Variants in CLASP2 observed in about 807,000 individuals in gnomAD.
The protein encoded by CLASP2 is cytoplasmic linker associated protein 2, also known as CLIP-associating protein 2.
CLASP2 carries 47 observed loss-of-function variants against 194.4 expected under a neutral mutation model. That is an observed-to-expected ratio of 0.24 (90% CI 0.19 to 0.31). The LOEUF is 0.31. Among genes scored for constraint, CLASP2 ranks in the 10% least tolerant of loss-of-function variants. CLASP2 has a pLI of 1.00. For synonymous variants in CLASP2, 619 were observed against 633.5 expected (o/e 0.98, Z 0.34); for missense variants, 1,445 against 1,823.6 (o/e 0.79, Z 3.78).
chr3:33,592,094 C>A (rs1381801491), intron 21 of CLASP2: 1 of 632,332 alleles, frequency 1.6e-6, no homozygotes, highest in African/African-American at 1.8e-5. Flanking sequence ...TGAAGTTTTT[C>A]TTTGTAAGTG....
chr3:33,506,874 T>C (rs1418261186), intron 37 of CLASP2, among the ~76,000 whole-genome samples: 1 of 152,162 alleles, frequency 6.6e-6, no homozygotes, highest in African/African-American at 2.4e-5. Flanking sequence ...ATCATAGCTT[T>C]GTAATACGTT....
intron 18 of CLASP2, among the ~76,000 whole-genome samples, chr3:33,597,341 G>A (rs533538588): frequency 6.6e-6 from 1 of 152,316 alleles, no homozygotes; most frequent in South Asian, 2.1e-4. Flanking sequence ...CTGACTTGGT[G>A]TTTAGTGCCT....
chr3:33,617,888 GGAA>G (rs1229080146), intron 12 of CLASP2, among the ~76,000 whole-genome samples: 2 of 149,318 alleles, frequency 1.3e-5, no homozygotes, highest in African/African-American at 4.9e-5. Context: ...AAGGACTCCA[GGAA>G]GAAGACTGCA....
chr3:33,519,736 C>T (rs1373508313), intron 34 of CLASP2, among the ~76,000 whole-genome samples: 4 of 151,940 alleles, frequency 2.6e-5, no homozygotes, highest in Non-Finnish European at 5.9e-5. Context: ...AGTAGTTTAA[C>T]TGAGGGCTTA....
Position 33,551,403 on chromosome 3 carries a change from G to T in CLASP2, c.3010-8C>A, listed in dbSNP as rs2059981921. 2 of 1,610,066 alleles carry T rather than the reference G, an allele frequency of 1.2e-6. No homozygotes were observed. The highest frequency in any genetic ancestry group is 1.7e-6 in the Non-Finnish European group (2 of 1,177,552). ...AAGGATAGCAACCTTCACCTGCAGA[G>T]GAAAGCACAAAGAGAAAGGACAGAA... is the stretch of plus-strand genomic sequence containing the variant. On this transcript the variant is annotated splice_region_variant and splice_polypyrimidine_tract_variant and intron_variant, in intron 29 of 38. Transcript: ENST00000682230.
intron 22 of CLASP2, among the ~76,000 whole-genome samples, chr3:33,584,519 G>A: frequency 6.6e-6 from 1 of 151,632 alleles, no homozygotes; most frequent in Non-Finnish European, 1.5e-5. Flanking sequence ...ACCCCCCTCA[G>A]CCTCCCAAAG....
chr3:33,553,949 A>T (rs2060470741), intron 29 of CLASP2, among the ~76,000 whole-genome samples: 1 of 152,136 alleles, frequency 6.6e-6, no homozygotes, highest in Non-Finnish European at 1.5e-5. Context: ...GGAATCGGCC[A>T]GGCGCAGTGG....
chr3:33,708,536 GTATATATGTATATA>G (rs1559703729), intron 1 of CLASP2, among the ~76,000 whole-genome samples: 30 of 12,816 alleles, frequency 2.3e-3, no homozygotes, highest in African/African-American at 0.01. Flanking sequence ...ATATATATAT[GTATATATGTATATA>G]TATATATATA....
At chr3:33,592,156 C>G in intron 21 of CLASP2, 1 of 702,276 alleles carries the variant, frequency 1.4e-6, no homozygotes, top group Non-Finnish European at 2.6e-6. Context: ...AGACAACACC[C>G]ACTCAAAAAA....
intron 2 of CLASP2, among the ~76,000 whole-genome samples, chr3:33,694,046 A>C (rs1234699679): frequency 6.6e-6 from 1 of 152,116 alleles, no homozygotes; most frequent in Admixed American, 6.6e-5. Context: ...CTCAAATCTG[A>C]AGTACATTTT....
intron 1 of CLASP2, among the ~76,000 whole-genome samples, chr3:33,706,666 T>C (rs1490807516): frequency 1.3e-5 from 2 of 152,120 alleles, no homozygotes; most frequent in Admixed American, 6.5e-5. Context: ...TCTTTAAAAT[T>C]AAAATAAAAT....
rs759323024 is a variant in CLASP2 at position 33,543,440 on chromosome 3, A to G, written c.3397T>C (p.Ser1133Pro). 1 of 1,564,932 alleles carries G rather than the reference A, an allele frequency of 6.4e-7. No homozygotes were observed. Among genetic ancestry groups the G allele is most frequent in the Admixed American group, 1.7e-5 (1 of 59,930 alleles). The change falls in exon 32 of 39, where the codon TCT becomes CCT. Residue 1133 changes from serine to proline, a missense_variant. By Grantham distance (74) the Ser-to-Pro change is moderately conservative (BLOSUM62 -1). Around this residue, in one of 4 missense-constraint regions of CLASP2, gnomAD observed 732 missense variants for 987.9 expected, o/e 0.74. Transcript: ENST00000682230. ...SPTNTSQNTL[S>P]PSAFDYDTEN... Reference sequence around the variant, plus strand: ...AAATCATCCTTTTATTACCTTGGAGATAAAGTATTCTGTGATGTATTGGTA... The same window carrying G: ...AAATCATCCTTTTATTACCTTGGAGGTAAAGTATTCTGTGATGTATTGGTA...
chr3:33,558,667 A>G (rs2061343007), intron 29 of CLASP2: 2 of 152,134 alleles, frequency 1.3e-5, no homozygotes, highest in South Asian at 4.1e-4. Context: ...AAAGTTAATT[A>G]TAACTCCAAA....
chr3:33,660,479 T>TAAA lies in CLASP2; in HGVS notation c.715+2965_715+2966insTTT, dbSNP rs1459912129. On this transcript the variant is annotated intron_variant, in intron 7 of 38. Coordinates refer to ENST00000682230, the MANE Select transcript of CLASP2 (RefSeq NM_001365631.1). The stretch of plus-strand genomic sequence containing the variant: ...ACAACTTTTAGCTATAAAAAAGTTA[T>TAAA]ATCACCTTTACAACAAATCCTTTGG... Among the ~76,000 whole-genome samples the TAAA allele has an allele frequency of 5.9e-5, 9 of 152,366 alleles. No homozygotes were observed. The East Asian group carries it at 1.7e-3, about 29-fold the overall frequency.
At chr3:33,556,974 T>C (rs1225967981) in intron 29 of CLASP2, among the ~76,000 whole-genome samples, 2 of 152,066 alleles carry the variant, frequency 1.3e-5, no homozygotes, top group African/African-American at 2.4e-5. Flanking sequence ...CCCCTTATTT[T>C]TATTTATTTA....
At chr3:33,704,217 T>C (rs1001307667) in intron 1 of CLASP2, among the ~76,000 whole-genome samples, 1 of 152,168 alleles carries the variant, frequency 6.6e-6, no homozygotes, top group Admixed American at 6.5e-5. Context: ...TAATGTAAAC[T>C]GTGGACCTTG....
intron 32 of CLASP2, among the ~76,000 whole-genome samples, chr3:33,539,496 GGC>G (rs2057967056): frequency 6.6e-6 from 1 of 151,878 alleles, no homozygotes; most frequent in Admixed American, 6.6e-5. Context: ...CACCACACCT[GGC>G]TAATTTTTGT....
intron 37 of CLASP2, 115 bp downstream of exon 37, chr3:33,510,443 T>C (rs538184093): frequency 4.3e-6 from 4 of 937,180 alleles, no homozygotes; most frequent in Non-Finnish European, 6.6e-6. Context: ...TCCTGAATAT[T>C]GCAGACAAAC....
intron 34 of CLASP2, among the ~76,000 whole-genome samples, chr3:33,529,984 CAAAAAAAAAAA>C (rs1169927619): frequency 2.8e-4 from 9 of 32,244 alleles, no homozygotes; most frequent in African/African-American, 9.3e-4. Context: ...GACTCCGTCT[CAAAAAAAAAAA>C]AAAAAAAAAA....
Sources: gnomAD v4.1 joint callset for allele counts (sites outside exome capture counted in the v4.1 genomes callset) on GRCh38, gnomAD v4.1.1 for gene constraint, gnomAD v4.1.1 regional missense constraint, MANE v1.5 for transcripts, NCBI Gene and HGNC (gene_info 2026-07-23, HGNC 2026-07-21) for gene names.